The following PRDM6 variants were observed in gnomAD, a reference collection of about 807,000 sequenced individuals.
PRDM6 encodes putative histone-lysine N-methyltransferase PRDM6.
PRDM6 carries 25 observed loss-of-function variants against 60.8 expected under a neutral mutation model. The observed-to-expected ratio is 0.41, with a 90% CI of 0.30 to 0.57. PRDM6 has a LOEUF of 0.57. PRDM6 is among the 20% of genes least tolerant of loss of function. The probability of loss-of-function intolerance (pLI) is 0.27; values close to 1 mark genes in which losing one functional copy is unlikely to be tolerated. For synonymous variants in PRDM6, 407 were observed against 357.4 expected (o/e 1.14, Z -1.57); for missense variants, 839 against 821.3 (o/e 1.02, Z -0.26).
chr5:123,149,356 C>G (rs903881297), intron 3 of PRDM6, among the ~76,000 whole-genome samples: 2 of 152,156 alleles, frequency 1.3e-5, no homozygotes, highest in South Asian at 2.1e-4. Flanking sequence ...GCTCACCTAC[C>G]TTGAACATAT....
At chr5:123,106,179 C>T (rs991274022) in intron 3 of PRDM6, among the ~76,000 whole-genome samples, 5 of 152,232 alleles carry the variant, frequency 3.3e-5, no homozygotes, top group African/African-American at 9.6e-5. Flanking sequence ...TGACAGCACA[C>T]TATTGGCTGG....
intron 7 of PRDM6, among the ~76,000 whole-genome samples, chr5:123,186,543 G>A (rs947445758): frequency 1.3e-5 from 2 of 152,182 alleles, no homozygotes; most frequent in Non-Finnish European, 2.9e-5. Flanking sequence ...CTGTGACACT[G>A]TAACCAGCTT....
At chr5:123,159,163 G>A (rs1253122646) in intron 4 of PRDM6, among the ~76,000 whole-genome samples, 1 of 152,134 alleles carries the variant, frequency 6.6e-6, no homozygotes, top group African/African-American at 2.4e-5. Flanking sequence ...TATATATGAG[G>A]TTGGGGCACC....
chr5:123,123,693 C>T (rs1260108280), intron 3 of PRDM6, among the ~76,000 whole-genome samples: 4 of 152,196 alleles, frequency 2.6e-5, no homozygotes, highest in South Asian at 4.1e-4. Flanking sequence ...CATGATTTCT[C>T]GTTCCTCCCA....
At chr5:123,111,129 G>A (rs1337120494) in intron 3 of PRDM6, among the ~76,000 whole-genome samples, 2 of 152,156 alleles carry the variant, frequency 1.3e-5, no homozygotes, top group Admixed American at 6.5e-5. Context: ...GTTGCATAAC[G>A]ATGTGAATAG....
chr5:123,173,489 G>A (rs1272033987), intron 6 of PRDM6: 1 of 167,030 alleles, frequency 6.0e-6, no homozygotes, highest in African/African-American at 2.4e-5. Context: ...ATGAGGTGAA[G>A]TAATGGGCTT....
chr5:123,170,388 A>C (rs994352720), intron 5 of PRDM6, among the ~76,000 whole-genome samples: 2 of 152,132 alleles, frequency 1.3e-5, no homozygotes, highest in African/African-American at 4.8e-5. Context: ...GCTCAGGGCT[A>C]CCCTCTCTGG....
chr5:123,130,859 G>A (rs182925078), intron 3 of PRDM6, among the ~76,000 whole-genome samples: 3 of 152,140 alleles, frequency 2.0e-5, no homozygotes, highest in African/African-American at 2.4e-5. Flanking sequence ...GAGCCACCAC[G>A]TCCAGCCTAG....
rs1038178289 is a variant in PRDM6, at chr5:123,098,698, A to G, written c.593-956A>G. 2.0e-5 allele frequency among the ~76,000 whole-genome samples: 3 copies of G among 152,322 alleles called. No individual in the cohort carries two copies. In the East Asian group the frequency reaches 5.8e-4, roughly 29 times the overall value. On this transcript the variant is annotated intron_variant, in intron 2 of 7. Transcript: ENST00000407847. ...CACAACAGAATCGCATTTAGCCTGG[A>G]GAACAGCCGTCGGGGCAGGAGTTGG...
intron 6 of PRDM6, among the ~76,000 whole-genome samples, chr5:123,171,319 A>C (rs919301810): frequency 1.3e-5 from 2 of 152,216 alleles, no homozygotes; most frequent in Non-Finnish European, 2.9e-5. Context: ...AGGAATCTGC[A>C]CTTGCCTTCC....
At chr5:123,156,112 C>A in intron 4 of PRDM6, 101 bp downstream of exon 4, 2 of 1,193,146 alleles carry the variant, frequency 1.7e-6, no homozygotes, top group Non-Finnish European at 2.3e-6. Context: ...TCCTGCAGAA[C>A]TCTGCAAGGA....
chr5:123,189,632 T>C lies in PRDM6; in HGVS notation c.*2431T>C, dbSNP rs1561894526. ...TAAATCTATTTTTATCCTCTATTAT[T>C]AAGAGAAATTGTTGGCATATATATT... On this transcript the variant is annotated 3_prime_UTR_variant, in exon 8 of 8. Transcript: ENST00000407847. 1 of 152,222 alleles carries C rather than the reference T, an allele frequency of 6.6e-6. No homozygotes were observed. The highest frequency in any genetic ancestry group is 1.5e-5 in the Non-Finnish European group (1 of 68,044). 9.4% of individuals were successfully genotyped at this position (152,222 alleles called of 1,614,324 possible).
intron 3 of PRDM6, among the ~76,000 whole-genome samples, chr5:123,149,363 A>G (rs1357816622): frequency 6.6e-6 from 1 of 152,156 alleles, no homozygotes; most frequent in Non-Finnish European, 1.5e-5. Flanking sequence ...TACCTTGAAC[A>G]TATTGAGTGT....
intron 6 of PRDM6, among the ~76,000 whole-genome samples, chr5:123,176,538 C>G (rs992187236): frequency 6.6e-6 from 1 of 152,054 alleles, no homozygotes; most frequent in Non-Finnish European, 1.5e-5. Flanking sequence ...TGGTGAAACC[C>G]CATCTCTACA....
intron 3 of PRDM6, among the ~76,000 whole-genome samples, chr5:123,118,685 G>T (rs934288446): frequency 2.0e-5 from 3 of 152,202 alleles, no homozygotes; most frequent in African/African-American, 7.2e-5. Context: ...CTTGAGTGTT[G>T]TAATGTCTTA....
chr5:123,121,370 G>GT (rs1413914126), intron 3 of PRDM6, among the ~76,000 whole-genome samples: 1 of 151,788 alleles, frequency 6.6e-6, no homozygotes, highest in Non-Finnish European at 1.5e-5. Flanking sequence ...TTTTTGTGTT[G>GT]TTTTTTCTTT....
chr5:123,120,432 G>T (rs748791586), intron 3 of PRDM6, among the ~76,000 whole-genome samples: 2 of 152,162 alleles, frequency 1.3e-5, no homozygotes, highest in Non-Finnish European at 2.9e-5. Context: ...GAGAGGTGTG[G>T]AGTTGAGCAG....
intron 3 of PRDM6, among the ~76,000 whole-genome samples, chr5:123,110,671 T>C (rs1427609147): frequency 6.7e-6 from 1 of 150,256 alleles, no homozygotes; most frequent in Non-Finnish European, 1.5e-5. Flanking sequence ...GGGTTCAAGC[T>C]ATTCTCCTGC....
Position 123,187,271 on chromosome 5 carries a change from CA to C in PRDM6, c.*73del, listed in dbSNP as rs1315821599. 7.4e-6 allele frequency: 9 copies of C among 1,211,744 alleles called. No homozygotes were observed. The highest frequency in any genetic ancestry group is 1.1e-5 in the Non-Finnish European group (9 of 842,962). 75.1% of individuals were successfully genotyped at this position (1,211,744 alleles called of 1,614,324 possible). On this transcript the variant is annotated 3_prime_UTR_variant, in exon 8 of 8. Coordinates refer to ENST00000407847, the MANE Select transcript of PRDM6 (RefSeq NM_001136239.4). Reference sequence around the variant, plus strand: ...AATGTCACGGACACTTAAGCAAAACCAAAGATTTCCTCTGAGCAACTTTCAA... The same window carrying C: ...AATGTCACGGACACTTAAGCAAAACCAAGATTTCCTCTGAGCAACTTTCAA...
Sources: gnomAD v4.1 joint callset for allele counts (sites outside exome capture counted in the v4.1 genomes callset) on GRCh38, gnomAD v4.1.1 for gene constraint, MANE v1.5 for transcripts, NCBI Gene and HGNC (gene_info 2026-07-23, HGNC 2026-07-21) for gene names.